CAST: variants seen among roughly 807,000 people sequenced by gnomAD.
CAST encodes calpastatin.
CAST carries 76 observed loss-of-function variants against 119.6 expected under a neutral mutation model. The ratio of observed to expected loss-of-function variants is 0.64; its 90% CI spans 0.53 to 0.77. CAST has a LOEUF of 0.77. Ranked by LOEUF, CAST falls within the 30% of genes least tolerant of loss-of-function variation. CAST has a pLI of 0.00. For missense variants in CAST, 953 were observed against 946.5 expected (o/e 1.01, Z -0.09); for synonymous variants, 319 against 331.6 (o/e 0.96, Z 0.41).
chr5:96,461,986 C>T, the CAST span, among the ~76,000 whole-genome samples: 726 of 152,214 alleles, frequency 4.8e-3, 8 homozygotes, highest in African/African-American at 0.017. Flanking sequence ...AAGCCTTTCC[C>T]CTATGGAAGT....
At chr5:96,522,613 G>A (rs1439049933), upstream of CAST, among the ~76,000 whole-genome samples, 1 of 152,190 alleles carries the variant, frequency 6.6e-6, no homozygotes, top group Non-Finnish European at 1.5e-5. Flanking sequence ...AAGGGGTCAT[G>A]TTAATGATAA....
At chr5:96,700,892 T>C (rs1753793156) in intron 3 of CAST, among the ~76,000 whole-genome samples, 2 of 152,128 alleles carry the variant, frequency 1.3e-5, no homozygotes, top group African/African-American at 4.8e-5. Context: ...AAGGAGCCTT[T>C]TTCCACCTGA....
intron 1 of CAST, among the ~76,000 whole-genome samples, chr5:96,639,690 A>G (rs1332325137): frequency 2.0e-5 from 3 of 152,158 alleles, no homozygotes; most frequent in African/African-American, 7.2e-5. Flanking sequence ...AAGTCACCCA[A>G]AGAATGTCAG....
chr5:96,598,459 G>T (rs1747090758), intron 1 of CAST, among the ~76,000 whole-genome samples: 1 of 152,052 alleles, frequency 6.6e-6, no homozygotes, highest in African/African-American at 2.4e-5. Flanking sequence ...TGTCTCTAGG[G>T]CTGCAGCTTT....
intron 1 of CAST, among the ~76,000 whole-genome samples, chr5:96,584,336 A>G (rs1746817273): frequency 6.6e-6 from 1 of 152,204 alleles, no homozygotes; most frequent in Admixed American, 6.5e-5. Context: ...CTCCTGCTGC[A>G]TGGCCCAGGT....
the CAST span, among the ~76,000 whole-genome samples, chr5:96,458,168 A>C: frequency 0.5 from 76,632 of 151,868 alleles, 20,352 homozygotes; most frequent in African/African-American, 0.68. Context: ...TTGAAAAAAA[A>C]TGAGACTAAT....
chr5:96,648,717 C>CGTGTGTGT (rs72068689), intron 1 of CAST, among the ~76,000 whole-genome samples: 2,833 of 148,902 alleles, frequency 0.019, 85 homozygotes, highest in African/African-American at 0.064. Context: ...TATATATATG[C>CGTGTGTGT]GTGTGTGTGT....
the CAST span, among the ~76,000 whole-genome samples, chr5:96,514,670 T>G: frequency 6.6e-6 from 1 of 152,176 alleles, no homozygotes; most frequent in Non-Finnish European, 1.5e-5. Flanking sequence ...ATCATGAGAC[T>G]TATGCCTGTG....
chr5:96,765,462 A>T (rs1291741167), intron 26 of CAST, 137 bp downstream of exon 26: 21 of 592,294 alleles, frequency 3.5e-5, no homozygotes, highest in Admixed American at 6.2e-5. Context: ...ATGAAATAGA[A>T]AAATCAATCT....
rs1405327028 is a variant in CAST, at chr5:96,574,259, T to C, written c.60+44379T>C. Among the ~76,000 whole-genome samples, 2 of 40,458 alleles carry C rather than the reference T, an allele frequency of 4.9e-5. 1 individual carries two copies. Among genetic ancestry groups the C allele is most frequent in the Non-Finnish European group, 8.1e-5 (2 of 24,844 alleles). The allele number at this position is 40,458 out of a possible 152,430, so 26.5% of individuals were successfully genotyped here. ...TTTTTAGTAGAGACGGGGTTTCACC[T>C]TGTTAGCCAGGATGGTCTCGATCTC... On this transcript the variant is annotated intron_variant, in intron 1 of 11. Transcript: ENST00000505143.
the CAST span, among the ~76,000 whole-genome samples, chr5:96,200,820 C>T: frequency 6.6e-6 from 1 of 152,088 alleles, no homozygotes; most frequent in Non-Finnish European, 1.5e-5. Context: ...AAATGCTTAG[C>T]ACAGCACTAG....
At position 96,762,352 on chromosome 5, in the gene CAST, GC is replaced by G; in HGVS notation, c.1916del (p.Pro639HisfsTer23). Reference sequence around the variant, plus strand: ...CCCAGCTTCAACGACCCAAGCTGGAGCCCCACCCCGTGATACCTCGGTAAGC... The same window carrying G: ...CCCAGCTTCAACGACCCAAGCTGGAGCCCACCCCGTGATACCTCGGTAAGC... ...QTPASTTQAG[A>X]PPRDTSQSDK... On this transcript the variant is annotated frameshift_variant, in exon 25 of 32. Coordinates refer to ENST00000675179, the MANE Select transcript of CAST (RefSeq NM_001750.7). LOFTEE classifies it high-confidence loss of function. 6.2e-7 allele frequency: 1 copy of G among 1,601,270 alleles called. No homozygotes were observed. The highest frequency in any genetic ancestry group is 8.5e-7 in the Non-Finnish European group (1 of 1,175,288).
intron 2 of CAST, among the ~76,000 whole-genome samples, chr5:96,695,037 A>G (rs1290441381): frequency 6.6e-6 from 1 of 152,222 alleles, no homozygotes; most frequent in Non-Finnish European, 1.5e-5. Flanking sequence ...CCCATAACGT[A>G]ACCCCCTATT....
chr5:96,193,598 G>T, the CAST span, among the ~76,000 whole-genome samples: 3 of 152,176 alleles, frequency 2.0e-5, no homozygotes, highest in African/African-American at 7.2e-5. Context: ...TTCTCAAAAA[G>T]ATACTAAAAT....
the CAST span, among the ~76,000 whole-genome samples, chr5:96,155,838 C>T: frequency 1.3e-5 from 2 of 152,142 alleles, no homozygotes; most frequent in South Asian, 2.1e-4. Context: ...CTTGCTTCTA[C>T]CCAGTGGTAA....
chr5:96,306,833 AT>A, the CAST span, among the ~76,000 whole-genome samples: 1 of 151,838 alleles, frequency 6.6e-6, no homozygotes, highest in East Asian at 1.9e-4. Context: ...ATGATTTTGT[AT>A]TCTTTTGCAT....
chr5:96,169,556 G>A, the CAST span, among the ~76,000 whole-genome samples: 2 of 152,264 alleles, frequency 1.3e-5, no homozygotes, highest in South Asian at 2.1e-4. Context: ...AGAGTTTATA[G>A]GTTTTAGAAG....
At chr5:96,083,715 C>G in the CAST span, among the ~76,000 whole-genome samples, 1 of 152,166 alleles carries the variant, frequency 6.6e-6, no homozygotes, top group Admixed American at 6.5e-5. Context: ...CATAAATTGA[C>G]TTGATGTTTT....
intron 2 of CAST, chr5:96,679,311 T>C (rs1037664163): frequency 6.6e-6 from 1 of 152,348 alleles, no homozygotes; most frequent in Non-Finnish European, 1.5e-5. Context: ...TTCAATTCTT[T>C]CTCAGATGTA....
Sources: gnomAD v4.1 joint callset for allele counts (sites outside exome capture counted in the v4.1 genomes callset) on GRCh38, gnomAD v4.1.1 for gene constraint, MANE v1.5 for transcripts, NCBI Gene and HGNC (gene_info 2026-07-23, HGNC 2026-07-21) for gene names.